The following KREMEN1 variants were observed in gnomAD, a reference collection of about 807,000 sequenced individuals.
KREMEN1 encodes the protein kringle containing transmembrane protein 1.
Under a neutral mutation model 46.5 loss-of-function variants are expected in KREMEN1, and 30 were observed. The observed-to-expected ratio is 0.65, with a 90% CI of 0.48 to 0.88. The LOEUF (loss-of-function observed/expected upper bound fraction) is 0.88. Among genes scored for constraint, KREMEN1 ranks in the 40% least tolerant of loss-of-function variants. The probability of loss-of-function intolerance (pLI) is 0.00; values close to 1 mark genes in which losing one functional copy is unlikely to be tolerated. For synonymous variants in KREMEN1, 214 were observed against 230.6 expected, an observed-to-expected ratio of 0.93 and a Z score of 0.65; for missense variants, 533 against 596.9, an observed-to-expected ratio of 0.89 and a Z score of 1.11.
chr22:29,131,523 C>CAT lies in KREMEN1; in HGVS notation c.632-5782_632-5781dup, dbSNP rs148738725. On this transcript the variant is annotated intron_variant, in intron 5 of 8. Transcript: ENST00000400335. ...AGCAACAACTGATCTGTATTCTGTTCATATATATATATATATATATATATA... is the reference window on the plus strand; with the variant it reads ...AGCAACAACTGATCTGTATTCTGTTCATATATATATATATATATATATATATA... Among the ~76,000 whole-genome samples, 359 of 93,642 alleles carry CAT rather than the reference C, an allele frequency of 3.8e-3. 1 individual carries two copies. Among genetic ancestry groups the CAT allele is most frequent in the Middle Eastern group, 9.3e-3 (2 of 214 alleles). The allele number at this position is 93,642 out of a possible 152,430, so 61.4% of individuals were successfully genotyped here. A position where few individuals can be genotyped will look rare whatever the true frequency, so the allele number is the denominator to read the frequency against.
At chr22:29,148,737 G>A (rs112119848), downstream of KREMEN1, among the ~76,000 whole-genome samples, 8,184 of 152,126 alleles carry the variant, frequency 0.054, 769 homozygotes, top group African/African-American at 0.19. Context: ...TTACAGGTGT[G>A]AGCCACCGCG....
At position 29,098,972 on chromosome 22, in the gene KREMEN1, A is replaced by G. The variant is rs1483084750; in HGVS notation, c.352+19A>G. 1.9e-6 allele frequency: 3 copies of G among 1,564,532 alleles called. No individual in the cohort carries two copies. The highest frequency in any genetic ancestry group is 1.7e-5 in the Admixed American group (1 of 59,934). ...TGCCAGAGTAAGACTGTAATACCCAATGTGATGGTTTACAGGACTGTGAAC... is the reference window on the plus strand; with the variant it reads ...TGCCAGAGTAAGACTGTAATACCCAGTGTGATGGTTTACAGGACTGTGAAC... On this transcript the variant is annotated intron_variant, in intron 3 of 8. Transcript: ENST00000400335.
intron 1 of KREMEN1, among the ~76,000 whole-genome samples, chr22:29,075,710 T>TAC (rs912973315): frequency 3.3e-5 from 5 of 151,368 alleles, no homozygotes; most frequent in East Asian, 1.9e-4. Flanking sequence ...CACACACACA[T>TAC]ACACACACAC....
chr22:29,167,168 C>T, exon 10 of KREMEN1: 4 of 1,289,200 alleles, frequency 3.1e-6, no homozygotes, highest in South Asian at 1.3e-5. Flanking sequence ...GCAGAGGGGA[C>T]ACCTTCATTG....
intron 3 of KREMEN1, among the ~76,000 whole-genome samples, chr22:29,117,544 G>T (rs2038262426): frequency 6.7e-6 from 1 of 149,844 alleles, no homozygotes; most frequent in South Asian, 2.2e-4. Flanking sequence ...TCCAGCCTGG[G>T]CAACAGAGCA....
rs1399781617 is a variant in KREMEN1 at position 29,125,337 on chromosome 22, C to T, written c.552C>T (p.Ala184=). 1 of 1,614,036 alleles carries T rather than the reference C, an allele frequency of 6.2e-7. No individual in the cohort carries two copies. Among genetic ancestry groups the T allele is most frequent in the African/African-American group, 1.3e-5 (1 of 74,886 alleles). ...ATTACTGGAAGTACGGGGAGGCAGC[C>T]AGTACCGAATGCAACAGCGTCTGCT... ...NPDYWKYGEA[A]STECNSVCFG... Residue 184 remains alanine, a synonymous_variant, in exon 5 of 9, where the codon GCC becomes GCT. Coordinates refer to ENST00000400335, the MANE Select transcript of KREMEN1 (RefSeq NM_001039570.3).
At chr22:29,098,306 A>G (rs1211898682) in intron 2 of KREMEN1, among the ~76,000 whole-genome samples, 1 of 152,110 alleles carries the variant, frequency 6.6e-6, no homozygotes, top group Non-Finnish European at 1.5e-5. Context: ...TTATTGTTGG[A>G]TATTTGCTGT....
intron 5 of KREMEN1, among the ~76,000 whole-genome samples, chr22:29,127,634 C>CA (rs1248893085): frequency 6.6e-6 from 1 of 151,700 alleles, no homozygotes; most frequent in Non-Finnish European, 1.5e-5. Flanking sequence ...TGCCTGGCGA[C>CA]AGAGCGAGAC....
Position 29,145,943 on chromosome 22 carries a change from C to T in KREMEN1, c.*3831C>T, listed in dbSNP as rs56186491. ...CAGCCCAGGCAGGAGCCTTCCTGGC[C>T]GGGCTCAGGATCTGCCTGCAGCCCA... On this transcript the variant is annotated 3_prime_UTR_variant, in exon 9 of 9. Coordinates refer to ENST00000400335, the MANE Select transcript of KREMEN1 (RefSeq NM_001039570.3). 0.029 allele frequency: 29,068 copies of T among 985,822 alleles called. 2,650 individuals carry two copies. The highest frequency in any genetic ancestry group is 0.28 in the African/African-American group (15,879 of 57,246). 61.1% of individuals were successfully genotyped at this position (985,822 alleles called of 1,614,324 possible). A position where few individuals can be genotyped will look rare whatever the true frequency, so the allele number is the denominator to read the frequency against.
chr22:29,075,813 A>G (rs2123917808), intron 1 of KREMEN1, among the ~76,000 whole-genome samples: 1 of 152,346 alleles, frequency 6.6e-6, no homozygotes, highest in South Asian at 2.1e-4. Flanking sequence ...TTGTGGATGG[A>G]AAAAATTATT....
At chr22:29,130,829 C>CA (rs1378543777) in intron 5 of KREMEN1, among the ~76,000 whole-genome samples, 1 of 152,246 alleles carries the variant, frequency 6.6e-6, no homozygotes, top group Non-Finnish European at 1.5e-5. Flanking sequence ...GCCCTCCACT[C>CA]ACCCAGATTG....
chr22:29,142,057 A>T lies in KREMEN1; in HGVS notation c.1322A>T (p.Lys441Met). The T allele has an allele frequency of 1.9e-6, 3 of 1,613,168 alleles. No individual in the cohort carries two copies. The Middle Eastern group carries it at 5.0e-4, about 266-fold the overall frequency. Residue 441 changes from lysine (K) to methionine (M), a missense_variant, in exon 9 of 9, where the codon AAG (lysine) becomes ATG (methionine). Lys to Met is a moderately conservative substitution (Grantham distance 95). Coordinates refer to ENST00000400335, the MANE Select transcript of KREMEN1 (RefSeq NM_001039570.3). ...TCCACTTCAATTTCCATCTTTAAGA[A>T]GAAACTCAAGGGTCAGAGTCAACAA... is the stretch of plus-strand genomic sequence containing the variant. ...KPSTSISIFK[K>M]KLKGQSQQDD... is the part of the protein sequence containing the mutation.
intron 2 of KREMEN1, 91 bp from the exon 3 acceptor site, chr22:29,098,771 T>TA: frequency 1.0e-6 from 1 of 960,674 alleles, no homozygotes; most frequent in South Asian, 1.3e-5. Context: ...ATACAGAAGC[T>TA]AAAGCATTTC....
intron 3 of KREMEN1, among the ~76,000 whole-genome samples, chr22:29,101,201 G>C (rs954566825): frequency 1.5e-5 from 2 of 135,406 alleles, no homozygotes; most frequent in Non-Finnish European, 3.0e-5. Context: ...GCACTGAGCT[G>C]AGATCATGCC....
At chr22:29,093,950 C>T (rs926307029) in intron 1 of KREMEN1, among the ~76,000 whole-genome samples, 1 of 152,176 alleles carries the variant, frequency 6.6e-6, no homozygotes, top group East Asian at 1.9e-4. Flanking sequence ...TTAGGGGTTT[C>T]CTGGTTCACT....
rs148299804 is a variant in KREMEN1, at chr22:29,117,977, C to T, written c.353-3380C>T. On this transcript the variant is annotated intron_variant, in intron 3 of 8. Transcript: ENST00000400335. ...GGTCAGGAAATGTGGGGTATGACTT[C>T]GCAATATCCTGCTTCAAGGCGTCTC... Among the ~76,000 whole-genome samples, 19 of 152,270 alleles carry T rather than the reference C, an allele frequency of 1.2e-4. No individual in the cohort carries two copies. In the South Asian group the frequency reaches 2.3e-3, roughly 18 times the overall value.
intron 2 of KREMEN1, among the ~76,000 whole-genome samples, chr22:29,097,998 A>G: frequency 6.6e-6 from 1 of 152,148 alleles, no homozygotes; most frequent in East Asian, 1.9e-4. Flanking sequence ...ACTGGCCAAT[A>G]TGGTGAAACC....
At chr22:29,164,873 G>T (rs2039040696) in intron 9 of KREMEN1, among the ~76,000 whole-genome samples, 1 of 152,064 alleles carries the variant, frequency 6.6e-6, no homozygotes, top group African/African-American at 2.4e-5. Flanking sequence ...AGCACTTTGG[G>T]ATCAAGAGGC....
chr22:29,090,507 C>T (rs2037789278), intron 1 of KREMEN1, among the ~76,000 whole-genome samples: 1 of 152,032 alleles, frequency 6.6e-6, no homozygotes, highest in Non-Finnish European at 1.5e-5. Context: ...CACATGTACC[C>T]CTGAACCCAA....
Sources: allele counts gnomAD v4.1 joint callset (sites outside exome capture counted in the v4.1 genomes callset), GRCh38; gene constraint gnomAD v4.1.1; transcripts MANE v1.5; gene names NCBI Gene and HGNC (gene_info 2026-07-23, HGNC 2026-07-21).